UPK1B: variants seen among roughly 807,000 people sequenced by gnomAD.
UPK1B encodes the protein uroplakin-1b.
In UPK1B, 28 loss-of-function variants were observed where a neutral mutation model predicts 34.2. The ratio of observed to expected loss-of-function variants is 0.82; its 90% CI spans 0.61 to 1.12. UPK1B has a LOEUF of 1.12. Ranked by LOEUF, UPK1B falls within the 50% of genes most tolerant of loss-of-function variation. The pLI, the probability that UPK1B is intolerant of heterozygous loss-of-function variation, is 0.00. For missense variants in UPK1B, 325 were observed against 320.9 expected, an observed-to-expected ratio of 1.01 and a Z score of -0.10; for synonymous variants, 81 against 110.4, an observed-to-expected ratio of 0.73 and a Z score of 1.67.
At chr3:119,180,565 G>C (rs149734066) in intron 1 of UPK1B, among the ~76,000 whole-genome samples, 8 of 152,100 alleles carry the variant, frequency 5.3e-5, no homozygotes, top group Non-Finnish European at 1.2e-4. Flanking sequence ...AAGCCCTAGA[G>C]AACACCACAG....
At chr3:119,189,159 T>C (rs2078033101) in intron 3 of UPK1B, among the ~76,000 whole-genome samples, 1 of 152,160 alleles carries the variant, frequency 6.6e-6, no homozygotes, top group Non-Finnish European at 1.5e-5. Flanking sequence ...CATACCTCCT[T>C]TCTGGAGCGT....
intron 1 of UPK1B, among the ~76,000 whole-genome samples, chr3:119,178,520 C>T (rs1030421810): frequency 3.9e-5 from 6 of 152,078 alleles, no homozygotes; most frequent in Non-Finnish European, 8.8e-5. Context: ...AAGTGGCTGG[C>T]ACTTGGAAGC....
intron 1 of UPK1B, among the ~76,000 whole-genome samples, chr3:119,183,500 G>A (rs2077999160): frequency 6.6e-6 from 1 of 152,094 alleles, no homozygotes; most frequent in Non-Finnish European, 1.5e-5. Flanking sequence ...CACCTCAGGT[G>A]ATCTGCCCAC....
At chr3:119,181,631 A>G (rs577202376) in intron 1 of UPK1B, among the ~76,000 whole-genome samples, 1 of 152,298 alleles carries the variant, frequency 6.6e-6, no homozygotes, top group East Asian at 1.9e-4. Flanking sequence ...ATATTCTCTA[A>G]CTTGCTCTTC....
chr3:119,184,972 A>G (rs1168286952), intron 1 of UPK1B, among the ~76,000 whole-genome samples: 1 of 152,244 alleles, frequency 6.6e-6, no homozygotes, highest in Non-Finnish European at 1.5e-5. Flanking sequence ...TGAACTTTAC[A>G]ATGTGACTCA....
At chr3:119,184,430 C>T (rs1217851944) in intron 1 of UPK1B, among the ~76,000 whole-genome samples, 1 of 151,924 alleles carries the variant, frequency 6.6e-6, no homozygotes, top group Non-Finnish European at 1.5e-5. Flanking sequence ...GCACTTTAAA[C>T]TCCTTGAGGC....
chr3:119,183,376 C>G (rs2077998441), intron 1 of UPK1B, among the ~76,000 whole-genome samples: 2 of 151,578 alleles, frequency 1.3e-5, no homozygotes, highest in Non-Finnish European at 2.9e-5. Context: ...ATTCTCCTGA[C>G]TCAGCCTCCC....
chr3:119,201,934 G>A (rs9834466), intron 7 of UPK1B, among the ~76,000 whole-genome samples: 15,639 of 152,240 alleles, frequency 0.1, 1,015 homozygotes, highest in East Asian at 0.24. Context: ...TGCCATATTA[G>A]CAGGAACTGT....
At chr3:119,183,214 A>G (rs1466669185) in intron 1 of UPK1B, among the ~76,000 whole-genome samples, 2 of 151,772 alleles carry the variant, frequency 1.3e-5, no homozygotes, top group Non-Finnish European at 2.9e-5. Context: ...CAGCTTCTGC[A>G]CTTTCTAGCA....
chr3:119,196,529 CTTTT>C (rs1402244963), intron 6 of UPK1B, among the ~76,000 whole-genome samples: 2 of 129,340 alleles, frequency 1.5e-5, no homozygotes, highest in African/African-American at 3.0e-5. Context: ...AATGGTTTTT[CTTTT>C]TCTTTTTTTT....
At chr3:119,179,505 G>GTTTTTTTTTTTTTTTTTT (rs1293357139) in intron 1 of UPK1B, among the ~76,000 whole-genome samples, 1 of 45,242 alleles carries the variant, frequency 2.2e-5, no homozygotes, top group South Asian at 5.5e-4. Flanking sequence ...TGATGTTGCA[G>GTTTTTTTTTTTTTTTTTT]TCTTTTTTTT....
At chr3:119,186,068 C>T (rs1173167803) in intron 1 of UPK1B, among the ~76,000 whole-genome samples, 2 of 152,136 alleles carry the variant, frequency 1.3e-5, no homozygotes, top group Non-Finnish European at 2.9e-5. Flanking sequence ...GGAGCCTCCT[C>T]GCCTTTCTTC....
chr3:119,184,973 A>G (rs1463331992), intron 1 of UPK1B, among the ~76,000 whole-genome samples: 1 of 152,264 alleles, frequency 6.6e-6, no homozygotes, highest in Non-Finnish European at 1.5e-5. Flanking sequence ...GAACTTTACA[A>G]TGTGACTCAA....
intron 7 of UPK1B, among the ~76,000 whole-genome samples, chr3:119,203,373 A>T (rs1194907692): frequency 6.8e-6 from 1 of 146,088 alleles, no homozygotes; most frequent in Non-Finnish European, 1.5e-5. Context: ...AAAAAATCTG[A>T]TATCTAACAA....
At chr3:119,194,086 T>G in intron 5 of UPK1B, 133 bp from the exon 6 acceptor site, 2 of 865,790 alleles carry the variant, frequency 2.3e-6, no homozygotes, top group Non-Finnish European at 3.4e-6. Context: ...CAGCTGTCAT[T>G]TGGGGATTTC....
intron 5 of UPK1B, among the ~76,000 whole-genome samples, 183 bp from the exon 6 acceptor site, chr3:119,194,036 T>A (rs1247817052): frequency 6.6e-6 from 1 of 152,224 alleles, no homozygotes; most frequent in Non-Finnish European, 1.5e-5. Flanking sequence ...AAAATTCTTT[T>A]ACAAACTGTA....
intron 7 of UPK1B, among the ~76,000 whole-genome samples, chr3:119,202,418 G>A (rs1283174150): frequency 1.3e-5 from 2 of 152,212 alleles, no homozygotes; most frequent in Non-Finnish European, 2.9e-5. Flanking sequence ...GGTTTTGGAA[G>A]CATTAACTTC....
At chr3:119,197,744 CA>C (rs2078072956) in intron 6 of UPK1B, among the ~76,000 whole-genome samples, 1 of 152,074 alleles carries the variant, frequency 6.6e-6, no homozygotes. Context: ...TGTTACCAAA[CA>C]AATACATGAT....
At chr3:119,189,944 G>A (rs1047085726) in intron 3 of UPK1B, among the ~76,000 whole-genome samples, 2 of 152,204 alleles carry the variant, frequency 1.3e-5, no homozygotes, top group African/African-American at 2.4e-5. Flanking sequence ...ATGTGTGTGT[G>A]CACACATACA....
Sources: gnomAD v4.1 joint callset for allele counts (sites outside exome capture counted in the v4.1 genomes callset) on GRCh38, gnomAD v4.1.1 for gene constraint, MANE v1.5 for transcripts, NCBI Gene and HGNC (gene_info 2026-07-23, HGNC 2026-07-21) for gene names.